The following MLIP variants were observed in gnomAD, a reference collection of about 807,000 sequenced individuals.
The protein encoded by MLIP is muscular LMNA-interacting protein.
Under a neutral mutation model 84.8 loss-of-function variants are expected in MLIP, and 79 were observed. That is an observed-to-expected ratio of 0.93 (90% confidence interval 0.78 to 1.12). The LOEUF (loss-of-function observed/expected upper bound fraction) is 1.12. Ranked by LOEUF, MLIP falls within the 50% of genes most tolerant of loss-of-function variation. The pLI is 0.00. For synonymous variants in MLIP, 504 were observed against 463.0 expected (o/e 1.09, Z -1.14); for missense variants, 1,257 against 1,160.6 (o/e 1.08, Z -1.21).
At chr6:54,110,891 GGT>G (rs1466888215), upstream of MLIP, among the ~76,000 whole-genome samples, 1 of 152,160 alleles carries the variant, frequency 6.6e-6, no homozygotes, top group Non-Finnish European at 1.5e-5. Flanking sequence ...TTATTTTAGA[GGT>G]GATTTTGTTA....
intron 1 of MLIP, among the ~76,000 whole-genome samples, chr6:54,057,496 CA>C (rs1341262614): frequency 3.3e-5 from 5 of 152,158 alleles, no homozygotes; most frequent in African/African-American, 9.7e-5. Context: ...TATTTGCATT[CA>C]GGGGGAATAG....
At chr6:54,240,478 A>G (rs914577442) in intron 12 of MLIP, among the ~76,000 whole-genome samples, 7 of 151,918 alleles carry the variant, frequency 4.6e-5, no homozygotes, top group African/African-American at 7.3e-5. Flanking sequence ...ATGTTTGTGC[A>G]TTTTCTTTCA....
At chr6:54,190,887 C>T (rs889516872) in intron 10 of MLIP, among the ~76,000 whole-genome samples, 3 of 151,410 alleles carry the variant, frequency 2.0e-5, no homozygotes, top group African/African-American at 7.3e-5. Context: ...GCTCCGCCTC[C>T]CGGGTTCACG....
At chr6:54,112,485 G>A (rs925265237) in intron 1 of MLIP, among the ~76,000 whole-genome samples, 6 of 152,138 alleles carry the variant, frequency 3.9e-5, no homozygotes, top group African/African-American at 1.4e-4. Flanking sequence ...GCTTAAAAGC[G>A]AATACCAAAT....
intron 3 of MLIP, 76 bp downstream of exon 3, chr6:54,124,941 G>C (rs1770797024): frequency 7.3e-7 from 1 of 1,369,674 alleles, no homozygotes; most frequent in African/African-American, 1.4e-5. Context: ...GGTCTGCAAA[G>C]GCCATCCTGT....
intron 12 of MLIP, among the ~76,000 whole-genome samples, chr6:54,246,577 G>T (rs1056127738): frequency 6.6e-6 from 1 of 151,896 alleles, no homozygotes; most frequent in Non-Finnish European, 1.5e-5. Context: ...TTTATCTTGA[G>T]ACATTTCTCT....
chr6:54,187,895 T>A (rs1296714533), intron 9 of MLIP, among the ~76,000 whole-genome samples: 2 of 152,138 alleles, frequency 1.3e-5, no homozygotes, highest in African/African-American at 4.8e-5. Context: ...TACTCTCAGG[T>A]ATTCCGGAGG....
Position 54,170,033 on chromosome 6 carries a change from AG to A in MLIP, c.2544+462del, listed in dbSNP as rs573085198. ...AAACCAATTTCCACTTATGAGCAAA[AG>A]TGGATAGATATAGTGGATAGATATA... On this transcript the variant is annotated intron_variant, in intron 9 of 13. Transcript: ENST00000502396. 1.6e-3 allele frequency among the ~76,000 whole-genome samples: 247 copies of A among 151,830 alleles called. 1 individual carries two copies. Among genetic ancestry groups the A allele is most frequent in the African/African-American group, 5.6e-3 (234 of 41,506 alleles).
At chr6:54,251,126 T>C (rs1251712799) in intron 12 of MLIP, among the ~76,000 whole-genome samples, 1 of 152,004 alleles carries the variant, frequency 6.6e-6, no homozygotes, top group African/African-American at 2.4e-5. Context: ...CCAGTGTATC[T>C]GAATTGATTA....
intron 12 of MLIP, among the ~76,000 whole-genome samples, chr6:54,242,720 T>C (rs892013041): frequency 2.6e-5 from 4 of 152,130 alleles, no homozygotes; most frequent in Non-Finnish European, 4.4e-5. Flanking sequence ...ATGTGAAAAA[T>C]CTTTTATGAG....
intron 12 of MLIP, among the ~76,000 whole-genome samples, chr6:54,256,881 C>T (rs560097767): frequency 4.1e-4 from 63 of 152,164 alleles, no homozygotes; most frequent in African/African-American, 1.3e-3. Flanking sequence ...CTACACTTAC[C>T]GTGGGTCTGA....
Position 54,160,382 on chromosome 6 carries a change from G to A in MLIP, c.2305G>A (p.Ala769Thr), listed in dbSNP as rs1185304104. 6.2e-7 allele frequency: 1 copy of A among 1,612,156 alleles called. No individual in the cohort carries two copies. Among genetic ancestry groups the A allele is most frequent in the Non-Finnish European group, 8.5e-7 (1 of 1,178,952 alleles). Residue 769 changes from alanine to threonine, a missense_variant, in exon 6 of 14, where the codon GCC (alanine) becomes ACC (threonine). By Grantham distance (58) the Ala-to-Thr change is moderately conservative. Transcript: ENST00000502396. ...LLEQKALDEP[A>T]KTESVSKDNT... ...TTGTCACTAGGCACTAGATGAACCA[G>A]CCAAGACTGAAAGTGTCTCCAAGGA... is the stretch of plus-strand genomic sequence containing the variant.
intron 12 of MLIP, among the ~76,000 whole-genome samples, chr6:54,252,985 A>G (rs1413051322): frequency 6.6e-6 from 1 of 152,096 alleles, no homozygotes; most frequent in Non-Finnish European, 1.5e-5. Context: ...TAATTTTACA[A>G]GTCGGAAAAC....
At chr6:54,108,764 T>C (rs141050347), upstream of MLIP, among the ~76,000 whole-genome samples, 1,361 of 152,308 alleles carry the variant, frequency 8.9e-3, 24 homozygotes, top group African/African-American at 0.03. Context: ...AAGTATTTTC[T>C]CTTCTAAATT....
chr6:54,201,654 T>C (rs1778688273), intron 10 of MLIP, among the ~76,000 whole-genome samples: 1 of 152,324 alleles, frequency 6.6e-6, no homozygotes, highest in Middle Eastern at 3.4e-3. Context: ...ACATGGCATC[T>C]GGGGGCCCAG....
upstream of MLIP, among the ~76,000 whole-genome samples, chr6:54,107,802 C>T (rs540095582): frequency 6.6e-6 from 1 of 152,138 alleles, no homozygotes; most frequent in East Asian, 1.9e-4. Context: ...TCGTGACTGG[C>T]ACTCAATAGA....
chr6:54,046,472 T>C (rs1765059759), intron 1 of MLIP: 1 of 152,154 alleles, frequency 6.6e-6, no homozygotes, highest in Non-Finnish European at 1.5e-5. Context: ...TGTGTGCAAG[T>C]TTCAAACTGT....
intron 1 of MLIP, among the ~76,000 whole-genome samples, chr6:54,068,090 T>TCCTTCCTTCCTTCC (rs1561905261): frequency 1.3e-5 from 1 of 76,794 alleles, no homozygotes; most frequent in Admixed American, 1.3e-4. Context: ...CTTCCTTCTT[T>TCCTTCCTTCCTTCC]TTCTCTCTCC....
At chr6:54,177,004 G>A (rs1339886383) in intron 9 of MLIP, among the ~76,000 whole-genome samples, 1 of 152,066 alleles carries the variant, frequency 6.6e-6, no homozygotes, top group Non-Finnish European at 1.5e-5. Flanking sequence ...GCCGTAAGCA[G>A]AAAATTGAAA....
Sources: gnomAD v4.1 joint callset for allele counts (sites outside exome capture counted in the v4.1 genomes callset) on GRCh38, gnomAD v4.1.1 for gene constraint, MANE v1.5 for transcripts, NCBI Gene and HGNC (gene_info 2026-07-23, HGNC 2026-07-21) for gene names.